Variants in NEB observed in about 807,000 individuals in gnomAD.
NEB encodes the protein nebulin.
NEB carries 512 observed loss-of-function variants against 952.2 expected under a neutral mutation model. The ratio of observed to expected loss-of-function variants is 0.54; its 90% CI spans 0.50 to 0.58. NEB has a LOEUF of 0.58. NEB is among the 20% of genes least tolerant of loss of function. NEB has a pLI of 0.00. For synonymous variants in NEB, 2,900 were observed against 3,149.8 expected (o/e 0.92, Z 2.66); for missense variants, 8,428 against 9,231.1 (o/e 0.91, Z 3.56).
chr2:151,601,463 A>G (rs1407462345), intron 88 of NEB, among the ~76,000 whole-genome samples: 4 of 102,866 alleles, frequency 3.9e-5, no homozygotes, highest in Admixed American at 2.0e-4. Flanking sequence ...AAAATGTGTA[A>G]CCCTATCTAC....
intron 105 of NEB, among the ~76,000 whole-genome samples, chr2:151,577,989 C>T (rs1202538502): frequency 2.0e-5 from 3 of 152,162 alleles, no homozygotes; most frequent in Admixed American, 2.0e-4. Flanking sequence ...ATTAAGAATT[C>T]GATCACTACT....
intron 153 of NEB, among the ~76,000 whole-genome samples, chr2:151,523,640 G>C (rs1361274388): frequency 6.6e-6 from 1 of 152,200 alleles, no homozygotes; most frequent in Non-Finnish European, 1.5e-5. Flanking sequence ...GGGAATTTTA[G>C]ATAATTGGCC....
At chr2:151,552,213 G>A (rs886288245) in intron 128 of NEB, among the ~76,000 whole-genome samples, 5 of 152,078 alleles carry the variant, frequency 3.3e-5, no homozygotes, top group East Asian at 3.8e-4. Context: ...GCTTCCTTAC[G>A]TCCCCATTTT....
In NEB at chr2:151,507,622, T is replaced by G. The variant is rs115263893; in HGVS notation, c.23451+383A>C. ...CTTTGTCCAATCACACTTCCGCATC[T>G]CTATCCATAAAAATACACATATTTC... On this transcript the variant is annotated intron_variant, in intron 162 of 181. Transcript: ENST00000397345. 1,143 of 215,078 alleles carry G rather than the reference T, an allele frequency of 5.3e-3. 17 individuals carry two copies. The highest frequency in any genetic ancestry group is 0.025 in the African/African-American group (1,090 of 43,624). 13.3% of individuals were successfully genotyped at this position (215,078 alleles called of 1,614,324 possible). A position where few individuals can be genotyped will look rare whatever the true frequency, so the allele number is the denominator to read the frequency against.
rs777231395 is a variant in NEB, at chr2:151,650,220, T to A, written c.7387A>T (p.Met2463Leu). The A allele has an allele frequency of 1.2e-5, 19 of 1,613,840 alleles. No homozygotes were observed. The African/African-American group carries it at 1.7e-4, about 15-fold the overall frequency. ...RNKFTSIPDAMDIVLAKTNAK... is the reference protein window; with the variant it reads ...RNKFTSIPDALDIVLAKTNAK... ...TTTGTCTTTGCCAGAACTATATCCA[T>A]GGCATCAGGAATGCTGGTGAACTTG... Residue 2463 changes from methionine to leucine, a missense_variant, in exon 54 of 182, where the codon ATG becomes TTG. This residue lies in a region of NEB where 1,772 missense variants were observed against 1,960.3 expected (regional missense o/e 0.90). Transcript: ENST00000397345.
rs200112795 is a variant in NEB, at chr2:151,531,895, A to C, written c.21419T>G (p.Ile7140Ser). ...TTTTTCATAGTTTTTCCTGTATTTG[A>C]TCTAAATTGTGGAAGAGAAGAAAGA... ...ALYNSHMWSQ[I>S]KYRKNYEKSK... Residue 7140 changes from isoleucine (I) to serine (S), a missense_variant and splice_region_variant, in exon 144 of 182, where the codon ATC (isoleucine) becomes AGC (serine). Transcript: ENST00000397345. 14 of 1,540,868 alleles carry C rather than the reference A, an allele frequency of 9.1e-6. No individual in the cohort carries two copies. The highest frequency in any genetic ancestry group is 1.1e-5 in the Non-Finnish European group (13 of 1,137,026).
intron 160 of NEB, 24 bp downstream of exon 160, chr2:151,513,556 T>C (rs375216341): frequency 2.0e-6 from 3 of 1,521,930 alleles, no homozygotes; most frequent in African/African-American, 1.4e-5. Flanking sequence ...TCCTGAAAGA[T>C]TGACATCGAA....
At chr2:151,630,279 T>C (rs1490000291) in intron 67 of NEB, among the ~76,000 whole-genome samples, 1 of 152,190 alleles carries the variant, frequency 6.6e-6, no homozygotes, top group African/African-American at 2.4e-5. Flanking sequence ...TTCTTCCTTA[T>C]GCCTAAGGTT....
chr2:151,568,535 T>G (rs2096512635), intron 111 of NEB, 83 bp downstream of exon 111: 1 of 1,420,218 alleles, frequency 7.0e-7, no homozygotes, highest in Admixed American at 1.8e-5. Context: ...TTCAGATGAT[T>G]GCATTCTGAG....
intron 161 of NEB, among the ~76,000 whole-genome samples, chr2:151,510,313 T>C (rs1462727026): frequency 6.6e-6 from 1 of 152,220 alleles, no homozygotes; most frequent in Non-Finnish European, 1.5e-5. Context: ...CATTATTTTG[T>C]TATGCTTTAA....
intron 10 of NEB, among the ~76,000 whole-genome samples, chr2:151,711,428 A>T (rs2099744908): frequency 6.6e-6 from 1 of 152,194 alleles, no homozygotes; most frequent in Admixed American, 6.5e-5. Flanking sequence ...AATACCCTTT[A>T]AGGAAAAAGA....
At chr2:151,729,482 G>T in intron 4 of NEB, 133 bp downstream of exon 4, 1 of 984,854 alleles carries the variant, frequency 1.0e-6, no homozygotes, top group Non-Finnish European at 1.6e-6. Context: ...CAGCTTCTGG[G>T]CACAGGTAGG....
chr2:151,503,151 C>G (rs772828333), intron 166 of NEB, 198 bp downstream of exon 166: 1 of 593,558 alleles, frequency 1.7e-6, no homozygotes, highest in Non-Finnish European at 2.9e-6. Flanking sequence ...CAAATCTAGT[C>G]AAGTCACTGA....
rs1453744813 is a variant in NEB, at chr2:151,672,547, T to C, written c.4121A>G (p.Tyr1374Cys). The change falls in exon 37 of 182, where the codon TAT (tyrosine) becomes TGT (cysteine). Residue 1374 changes from tyrosine to cysteine, a missense_variant. Coordinates refer to ENST00000397345, the MANE Select transcript of NEB (RefSeq NM_001164508.2). ...ATGGTAGCTGGTTTTGGTGTTCTCA[T>C]AGTTCTTCTTGTATTCACGATCAGA... ...LQSDREYKKN[Y>C]ENTKTSYHTP... is the part of the protein sequence containing the mutation. 1.2e-6 allele frequency: 2 copies of C among 1,614,038 alleles called. No homozygotes were observed. The highest frequency in any genetic ancestry group is 1.7e-6 in the Non-Finnish European group (2 of 1,179,894).
chr2:151,512,123 C>T (rs892343800), intron 161 of NEB, among the ~76,000 whole-genome samples: 10 of 150,184 alleles, frequency 6.7e-5, no homozygotes, highest in East Asian at 2.0e-4. Context: ...CTCTGCCTCC[C>T]GGGTTCACGC....
chr2:151,548,442 C>A, intron 130 of NEB, 27 bp from the exon 131 acceptor site: 1 of 1,408,124 alleles, frequency 7.1e-7, no homozygotes. Context: ...AGAATGAGAT[C>A]AATGATGGGT....
Position 151,531,896 on chromosome 2 carries a change from T to C in NEB, c.21418A>G (p.Ile7140Val), listed in dbSNP as rs2091278967. The change falls in exon 144 of 182, where the codon ATC (isoleucine) becomes GTC (valine). Residue 7140 changes from isoleucine to valine, a missense_variant and splice_region_variant. Coordinates refer to ENST00000397345, the MANE Select transcript of NEB (RefSeq NM_001164508.2). ...ALYNSHMWSQ[I>V]KYRKNYEKSK... ...TTTTCATAGTTTTTCCTGTATTTGA[T>C]CTAAATTGTGGAAGAGAAGAAAGAG... 10 of 1,540,302 alleles carry C rather than the reference T, an allele frequency of 6.5e-6. No individual in the cohort carries two copies. Among genetic ancestry groups the C allele is most frequent in the Non-Finnish European group, 8.8e-6 (10 of 1,136,636 alleles).
chr2:151,654,848 T>C (rs950702781), intron 51 of NEB, among the ~76,000 whole-genome samples: 8 of 152,194 alleles, frequency 5.3e-5, no homozygotes, highest in Non-Finnish European at 2.9e-5. Context: ...CAATTTTTAC[T>C]TTATTTATGT....
chr2:151,704,634 C>G (rs543713432), intron 13 of NEB, among the ~76,000 whole-genome samples: 104 of 152,294 alleles, frequency 6.8e-4, no homozygotes, highest in Middle Eastern at 3.4e-3. Flanking sequence ...CAGGTGCGTC[C>G]GTCACCCCTT....
Sources: gnomAD v4.1 joint callset for allele counts (sites outside exome capture counted in the v4.1 genomes callset) on GRCh38, gnomAD v4.1.1 for gene constraint, gnomAD v4.1.1 regional missense constraint, MANE v1.5 for transcripts, NCBI Gene and HGNC (gene_info 2026-07-23, HGNC 2026-07-21) for gene names.